LNX2: variants seen among roughly 807,000 people sequenced by gnomAD.
The protein encoded by LNX2 is ligand of Numb protein X 2.
LNX2 carries 35 observed loss-of-function variants against 66.2 expected under a neutral mutation model. That is an observed-to-expected ratio of 0.53 (90% CI 0.40 to 0.70). The LOEUF (loss-of-function observed/expected upper bound fraction) is 0.70, where lower values mean the gene tolerates loss of function less well. Among genes scored for constraint, LNX2 ranks in the 30% least tolerant of loss-of-function variants. The pLI, the probability that LNX2 is intolerant of heterozygous loss-of-function variation, is 0.00. For synonymous variants in LNX2, 337 were observed against 315.6 expected, an observed-to-expected ratio of 1.07 and a Z score of -0.72; for missense variants, 791 against 850.8, an observed-to-expected ratio of 0.93 and a Z score of 0.87.
chr13:27,611,313 T>C (rs915972623), intron 1 of LNX2, among the ~76,000 whole-genome samples: 1 of 152,230 alleles, frequency 6.6e-6, no homozygotes, highest in Non-Finnish European at 1.5e-5. Flanking sequence ...TGGATGAACC[T>C]TGAGGTCATC....
chr13:27,600,633 C>A (rs1452662571), intron 1 of LNX2, among the ~76,000 whole-genome samples: 1 of 152,188 alleles, frequency 6.6e-6, no homozygotes, highest in Non-Finnish European at 1.5e-5. Context: ...ATAGGTGTTA[C>A]TGACTCGGGG....
chr13:27,568,578 A>T (rs1370114962), intron 3 of LNX2, among the ~76,000 whole-genome samples: 2 of 152,198 alleles, frequency 1.3e-5, no homozygotes, highest in Non-Finnish European at 2.9e-5. Flanking sequence ...GTTTAAAAAA[A>T]AAACAAAAAC....
At chr13:27,561,724 C>G (rs1362742978) in intron 5 of LNX2, among the ~76,000 whole-genome samples, 2 of 152,196 alleles carry the variant, frequency 1.3e-5, no homozygotes, top group African/African-American at 2.4e-5. Flanking sequence ...GTTTTGCTAA[C>G]TTTAAGAAAA....
chr13:27,547,168 T>C lies in LNX2; in HGVS notation c.*1167A>G, dbSNP rs367656124. The C allele has an allele frequency of 2.0e-5, 3 of 152,310 alleles. No homozygotes were observed. In the East Asian group the frequency reaches 5.8e-4, roughly 29 times the overall value. 9.4% of individuals were successfully genotyped at this position (152,310 alleles called of 1,614,324 possible). A position where few individuals can be genotyped will look rare whatever the true frequency, so the allele number is the denominator to read the frequency against. On this transcript the variant is annotated 3_prime_UTR_variant, in exon 10 of 10. Transcript: ENST00000316334. ...ATAATATGGTTTTATCTTTATCATT[T>C]CGTTTAATCGCATAAATCACAAAAA...
chr13:27,553,398 A>C lies in LNX2; in HGVS notation c.1588T>G (p.Leu530Val). The change falls in exon 8 of 10, where the codon TTA becomes GTA. Residue 530 changes from leucine (L) to valine (V), a missense_variant. Leu to Val is a conservative substitution (Grantham distance 32). Coordinates refer to ENST00000316334, the MANE Select transcript of LNX2 (RefSeq NM_153371.4). The part of the protein sequence containing the change: ...LNINGIDLTN[L>V]SHSEAVAMLK... ...ATTGCAACTGCCTCACTGTGACTTA[A>C]ATTGGTCAAATCAATGCCGTTGATA... is the stretch of plus-strand genomic sequence containing the variant. The C allele has an allele frequency of 2.5e-6, 4 of 1,614,176 alleles. No homozygotes were observed. The highest frequency in any genetic ancestry group is 3.4e-6 in the Non-Finnish European group (4 of 1,180,038).
chr13:27,548,855 A>G (rs1954973598), intron 9 of LNX2, among the ~76,000 whole-genome samples: 5 of 152,230 alleles, frequency 3.3e-5, no homozygotes, highest in Admixed American at 3.3e-4. Context: ...TGAGGGCTGA[A>G]TTAAATTGGA....
chr13:27,578,767 TG>T (rs35946788), intron 2 of LNX2, among the ~76,000 whole-genome samples: 1 of 152,208 alleles, frequency 6.6e-6, no homozygotes, highest in African/African-American at 2.4e-5. Context: ...GAAACCATCT[TG>T]GAAGTAGACT....
chr13:27,572,253 T>G (rs1329826345), intron 2 of LNX2, among the ~76,000 whole-genome samples: 1 of 152,190 alleles, frequency 6.6e-6, no homozygotes, highest in Non-Finnish European at 1.5e-5. Flanking sequence ...AATGGAACAT[T>G]TAAGAACACA....
At chr13:27,611,729 A>G (rs1955775383) in intron 1 of LNX2, among the ~76,000 whole-genome samples, 1 of 152,240 alleles carries the variant, frequency 6.6e-6, no homozygotes, top group Non-Finnish European at 1.5e-5. Flanking sequence ...ATTTCACTAG[A>G]TTTCAGTACT....
chr13:27,584,164 G>C (rs1955457923), intron 1 of LNX2, among the ~76,000 whole-genome samples: 3 of 152,114 alleles, frequency 2.0e-5, no homozygotes, highest in Admixed American at 1.3e-4. Context: ...ACCATGTTGA[G>C]GCTACTAGCA....
chr13:27,608,993 AT>A (rs890078677), intron 1 of LNX2, among the ~76,000 whole-genome samples: 5 of 151,922 alleles, frequency 3.3e-5, no homozygotes, highest in African/African-American at 1.2e-4. Flanking sequence ...GGGTTTTGCC[AT>A]TTTGACCAGG....
rs60543818 is a variant in LNX2, at chr13:27,573,443, TA to T, written c.408-4168del. On this transcript the variant is annotated intron_variant, in intron 2 of 9. Transcript: ENST00000316334. The stretch of plus-strand genomic sequence containing the variant: ...CTGGGGGCATTTGTTAAGCATTGGT[TA>T]AAAAAAAAAAAAAAATCAGAGGTCA... Among the ~76,000 whole-genome samples the T allele has an allele frequency of 3.9e-3, 573 of 146,724 alleles. 1 individual carries two copies. Among genetic ancestry groups the T allele is most frequent in the Non-Finnish European group, 4.6e-3 (304 of 66,676 alleles).
At chr13:27,620,075 G>T (rs538216544) in intron 1 of LNX2, among the ~76,000 whole-genome samples, 1 of 152,162 alleles carries the variant, frequency 6.6e-6, no homozygotes, top group African/African-American at 2.4e-5. Context: ...CACGGTGGCC[G>T]GAACCAGCAA....
rs952756188 is a variant in LNX2 at position 27,581,796 on chromosome 13, G to A, written c.-93C>T. 2 of 1,073,108 alleles carry A rather than the reference G, an allele frequency of 1.9e-6. No individual in the cohort carries two copies. Among genetic ancestry groups the A allele is most frequent in the Non-Finnish European group, 2.6e-6 (2 of 756,404 alleles). The allele number at this position is 1,073,108 out of a possible 1,614,324, so 66.5% of individuals were successfully genotyped here. A position where few individuals can be genotyped will look rare whatever the true frequency, so the allele number is the denominator to read the frequency against. ...TGATGTATCTGACTAAAGTCAAGGT[G>A]TGTTTTTCTAGATAAGCAAAACAAA... On this transcript the variant is annotated 5_prime_UTR_variant, in exon 2 of 10. Transcript: ENST00000316334.
In LNX2 at chr13:27,594,433, T is replaced by A. The variant is rs145441597; in HGVS notation, c.-100-12630A>T. 5.1e-3 allele frequency among the ~76,000 whole-genome samples: 771 copies of A among 152,308 alleles called. 2 individuals carry two copies. Among genetic ancestry groups the A allele is most frequent in the African/African-American group, 0.018 (738 of 41,564 alleles). On this transcript the variant is annotated intron_variant, in intron 1 of 9. Coordinates refer to ENST00000316334, the MANE Select transcript of LNX2 (RefSeq NM_153371.4). ...AGCATAAAGATGCTGTCAATTTTCA[T>A]GTAATTGAATACACTCACTTTTCCC...
At position 27,560,005 on chromosome 13, in the gene LNX2, A is replaced by T. The variant is rs1955111364; in HGVS notation, c.1225-20T>A. On this transcript the variant is annotated intron_variant, in intron 5 of 9. Coordinates refer to ENST00000316334, the MANE Select transcript of LNX2 (RefSeq NM_153371.4). ...ACTGGCCTGGAGAAAACACAAATAC[A>T]TTACCATAAGTGACTAATGATGTTT... is the stretch of plus-strand genomic sequence containing the variant. The T allele has an allele frequency of 1.3e-6, 2 of 1,572,744 alleles. No homozygotes were observed. Among genetic ancestry groups the T allele is most frequent in the Admixed American group, 1.8e-5 (1 of 54,060 alleles).
At chr13:27,553,112 T>A in intron 8 of LNX2, 96 bp downstream of exon 8, 1 of 1,020,648 alleles carries the variant, frequency 9.8e-7, no homozygotes, top group East Asian at 2.4e-5. Flanking sequence ...AAAGCTTTTT[T>A]TTTTATCCCA....
chr13:27,606,655 T>C (rs1408452934), intron 1 of LNX2, among the ~76,000 whole-genome samples: 2 of 152,170 alleles, frequency 1.3e-5, no homozygotes, highest in African/African-American at 4.8e-5. Flanking sequence ...ACACAAAATA[T>C]GCCTGGAAGG....
intron 1 of LNX2, among the ~76,000 whole-genome samples, chr13:27,604,491 C>G (rs181842326): frequency 6.6e-6 from 1 of 152,316 alleles, no homozygotes; most frequent in Admixed American, 6.5e-5. Context: ...CAAATTTAAT[C>G]CACCATAAGT....
Sources: allele counts gnomAD v4.1 joint callset (sites outside exome capture counted in the v4.1 genomes callset), GRCh38; gene constraint gnomAD v4.1.1; transcripts MANE v1.5; gene names NCBI Gene and HGNC (gene_info 2026-07-23, HGNC 2026-07-21).